The following AGBL3 variants were observed in gnomAD, a reference collection of about 807,000 sequenced individuals.
AGBL3 encodes AGBL carboxypeptidase 3, also known as cytosolic carboxypeptidase 3.
A neutral mutation model predicts 94.5 loss-of-function variants in AGBL3; 68 were observed. That is an observed-to-expected ratio of 0.72 (90% CI 0.59 to 0.88). The LOEUF is 0.88. Among genes scored for constraint, AGBL3 ranks in the 40% least tolerant of loss-of-function variants. AGBL3 has a pLI of 0.00. For missense variants in AGBL3, 934 were observed against 1,103.8 expected (o/e 0.85, Z 2.18); for synonymous variants, 354 against 370.7 (o/e 0.95, Z 0.52).
chr7:135,108,394 G>A (rs1453089777), intron 15 of AGBL3, among the ~76,000 whole-genome samples: 1 of 152,100 alleles, frequency 6.6e-6, no homozygotes, highest in Non-Finnish European at 1.5e-5. Context: ...CTTATAAGGT[G>A]GGTCTGGTGG....
In AGBL3 at chr7:135,034,874, C is replaced by T. The variant is rs964682733; in HGVS notation, c.1283C>T (p.Ser428Phe). The change falls in exon 7 of 17, where the codon TCT (serine) becomes TTT (phenylalanine). Residue 428 changes from serine (S) to phenylalanine (F), a missense_variant. Physicochemically the swap from Ser to Phe is radical, Grantham distance 155. Transcript: ENST00000436302. ...AGRDLNRNYT[S>F]LLKESFPSVW... is the part of the protein sequence containing the mutation. ...CGGGATTTAAACCGTAATTATACAT[C>T]TCTCCTGAAGGAATCTTTTCCTTCT... 2 of 1,549,848 alleles carry T rather than the reference C, an allele frequency of 1.3e-6. No individual in the cohort carries two copies. The highest frequency in any genetic ancestry group is 1.7e-6 in the Non-Finnish European group (2 of 1,146,060).
At chr7:135,030,259 C>G (rs1199960806) in intron 5 of AGBL3, among the ~76,000 whole-genome samples, 1 of 151,458 alleles carries the variant, frequency 6.6e-6, no homozygotes, top group East Asian at 1.9e-4. Context: ...GTTTCCTATA[C>G]AGATATTCTT....
chr7:135,032,288 ATTTTTTTG>A (rs1053519203), intron 5 of AGBL3, among the ~76,000 whole-genome samples: 17 of 151,758 alleles, frequency 1.1e-4, no homozygotes, highest in South Asian at 2.1e-4. Context: ...AATGGAGTGA[ATTTTTTTG>A]TTTTTTTGTT....
At chr7:135,006,889 A>T (rs1348067633) in intron 4 of AGBL3, among the ~76,000 whole-genome samples, 1 of 151,954 alleles carries the variant, frequency 6.6e-6, no homozygotes, top group Non-Finnish European at 1.5e-5. Flanking sequence ...TATCAATTAG[A>T]TGAGAACCAG....
chr7:135,050,994 T>C (rs1478181048), intron 11 of AGBL3: 1 of 419,276 alleles, frequency 2.4e-6, no homozygotes, highest in African/African-American at 2.1e-5. Flanking sequence ...TCTCTTCAAA[T>C]TATTTCTAAT....
At chr7:135,084,637 C>T (rs746434225) in intron 15 of AGBL3, among the ~76,000 whole-genome samples, 7 of 152,126 alleles carry the variant, frequency 4.6e-5, no homozygotes, top group Non-Finnish European at 1.0e-4. Context: ...ACATAATGTC[C>T]TCCAAGCTCA....
At chr7:135,029,833 G>T (rs899282595) in intron 5 of AGBL3, among the ~76,000 whole-genome samples, 1 of 152,066 alleles carries the variant, frequency 6.6e-6, no homozygotes, top group Non-Finnish European at 1.5e-5. Context: ...GGCCATTGTA[G>T]GATTATTAAT....
At chr7:135,020,113 G>C (rs1184930454) in intron 5 of AGBL3, among the ~76,000 whole-genome samples, 1 of 152,210 alleles carries the variant, frequency 6.6e-6, no homozygotes, top group African/African-American at 2.4e-5. Flanking sequence ...ACCACCATCA[G>C]AGTGAACAGA....
chr7:135,059,242 C>A lies in AGBL3; in HGVS notation c.1908+7C>A. On this transcript the variant is annotated splice_region_variant and intron_variant, in intron 12 of 16. Coordinates refer to ENST00000436302, the MANE Select transcript of AGBL3 (RefSeq NM_178563.4). ...TCTCAAGTTAACTTCTCAGGTATGA[C>A]TGAACATTTTTGCTTATATGTGGAT... 6.5e-7 allele frequency: 1 copy of A among 1,548,956 alleles called. No homozygotes were observed. The highest frequency in any genetic ancestry group is 1.2e-5 in the South Asian group (1 of 83,802).
intron 5 of AGBL3, among the ~76,000 whole-genome samples, chr7:135,027,761 G>A (rs1047857666): frequency 2.0e-5 from 3 of 151,448 alleles, no homozygotes; most frequent in Admixed American, 1.3e-4. Context: ...AGAATATATT[G>A]TACTCAGGAG....
At chr7:135,076,264 G>T (rs929168177) in intron 12 of AGBL3, 133 bp from the exon 13 acceptor site, 1 of 683,496 alleles carries the variant, frequency 1.5e-6, no homozygotes, top group Non-Finnish European at 2.5e-6. Flanking sequence ...AGAATTTTTG[G>T]TTGTACTTAG....
chr7:135,104,783 T>C (rs917516527), intron 15 of AGBL3, among the ~76,000 whole-genome samples: 3 of 151,916 alleles, frequency 2.0e-5, no homozygotes, highest in African/African-American at 7.2e-5. Flanking sequence ...TTTGGTTTTT[T>C]TTTTTCTTGT....
At chr7:135,093,084 T>TG (rs1822097332) in intron 15 of AGBL3, 1 of 151,666 alleles carries the variant, frequency 6.6e-6, no homozygotes, top group Non-Finnish European at 1.5e-5. Flanking sequence ...ATGTCATAGT[T>TG]GGTAGTGCAA....
At chr7:135,118,695 G>A (rs1347435856) in intron 16 of AGBL3, among the ~76,000 whole-genome samples, 2 of 152,144 alleles carry the variant, frequency 1.3e-5, no homozygotes, top group Non-Finnish European at 2.9e-5. Context: ...ACACTGAGAT[G>A]TTAATGATGT....
chr7:135,092,563 A>G (rs1047662060), intron 15 of AGBL3: 1 of 152,208 alleles, frequency 6.6e-6, no homozygotes, highest in African/African-American at 2.4e-5. Context: ...GTACAATGGT[A>G]AATAAAATAT....
chr7:135,030,225 T>A lies in AGBL3; in HGVS notation c.419-2619T>A, dbSNP rs118113816. 1.5e-4 allele frequency among the ~76,000 whole-genome samples: 23 copies of A among 152,042 alleles called. No homozygotes were observed. The East Asian group carries it at 4.4e-3, about 29-fold the overall frequency. On this transcript the variant is annotated intron_variant, in intron 5 of 16. Transcript: ENST00000436302. The stretch of plus-strand genomic sequence containing the variant: ...GAAGCACAATAAAGCAAAGCACAAT[T>A]TCACAAGGTACGCCTTTATCATTGT...
intron 12 of AGBL3, among the ~76,000 whole-genome samples, chr7:135,064,877 C>T (rs1028680622): frequency 6.6e-6 from 1 of 152,198 alleles, no homozygotes; most frequent in Non-Finnish European, 1.5e-5. Flanking sequence ...AATAAAAAGT[C>T]TAGGGACAAG....
chr7:135,118,151 C>T (rs1826591968), intron 16 of AGBL3, among the ~76,000 whole-genome samples: 1 of 152,068 alleles, frequency 6.6e-6, no homozygotes, highest in Non-Finnish European at 1.5e-5. Context: ...CTTCCCCTAC[C>T]CTACCTTATG....
intron 5 of AGBL3, among the ~76,000 whole-genome samples, chr7:135,018,014 G>A (rs895064455): frequency 2.0e-5 from 3 of 151,904 alleles, no homozygotes; most frequent in Non-Finnish European, 4.4e-5. Context: ...AATCAGTCAG[G>A]GTCTTCTCAG....
Sources: allele counts gnomAD v4.1 joint callset (sites outside exome capture counted in the v4.1 genomes callset), GRCh38; gene constraint gnomAD v4.1.1; transcripts MANE v1.5; gene names NCBI Gene and HGNC (gene_info 2026-07-23, HGNC 2026-07-21).